The following USP45 variants were observed in gnomAD, a reference collection of about 807,000 sequenced individuals.
USP45 encodes ubiquitin specific peptidase 45, also known as ubiquitin carboxyl-terminal hydrolase 45.
In USP45, 89 loss-of-function variants were observed where a neutral mutation model predicts 95.8. The observed-to-expected ratio is 0.93, with a 90% CI of 0.78 to 1.11. The LOEUF is 1.11. Among genes scored for constraint, USP45 ranks in the 50% least tolerant of loss-of-function variants. The pLI, the probability that USP45 is intolerant of heterozygous loss-of-function variation, is 0.00. For synonymous variants in USP45, 281 were observed against 316.2 expected, an observed-to-expected ratio of 0.89 and a Z score of 1.18; for missense variants, 898 against 942.5, an observed-to-expected ratio of 0.95 and a Z score of 0.62.
intron 8 of USP45, among the ~76,000 whole-genome samples, chr6:99,477,695 T>TG (rs1267721832): frequency 4.6e-5 from 7 of 152,222 alleles, no homozygotes; most frequent in Non-Finnish European, 8.8e-5. Context: ...AGTCCCTGAC[T>TG]GCTAAAACAT....
chr6:99,468,248 G>A (rs573072757), intron 10 of USP45: 21 of 489,172 alleles, frequency 4.3e-5, no homozygotes, highest in African/African-American at 4.1e-4. Flanking sequence ...TTCCAAGTGT[G>A]GTTGCTACTT....
In USP45 at chr6:99,460,774, T is replaced by G. The variant is rs1289872212; in HGVS notation, c.1308+3830A>C. The G allele has an allele frequency of 3.0e-6, 3 of 984,494 alleles. No individual in the cohort carries two copies. In the East Asian group the frequency reaches 3.4e-4, roughly 112 times the overall value. The allele number at this position is 984,494 out of a possible 1,614,324, so 61.0% of individuals were successfully genotyped here. A position where few individuals can be genotyped will look rare whatever the true frequency, so the allele number is the denominator to read the frequency against. The stretch of plus-strand genomic sequence containing the variant: ...TATGATTTTCTGAATATAACCCCAA[T>G]GATGAGAGGCACAACACAGGTTTCA... On this transcript the variant is annotated intron_variant, in intron 13 of 17. Transcript: ENST00000500704.
rs908229002 is a variant in USP45, at chr6:99,449,202, C to G, written c.1309-2739G>C. ...CTTAAATGTACATGGGCTAAATGCT[C>G]CAATTAAAAGATACAGACTGAAAAA... On this transcript the variant is annotated intron_variant, in intron 13 of 17. Transcript: ENST00000500704. 1.4e-4 allele frequency among the ~76,000 whole-genome samples: 22 copies of G among 152,202 alleles called. No individual in the cohort carries two copies. In the East Asian group the frequency reaches 3.5e-3, roughly 24 times the overall value.
intron 8 of USP45, among the ~76,000 whole-genome samples, chr6:99,477,618 C>T (rs1791200713): frequency 6.6e-6 from 1 of 152,136 alleles, no homozygotes; most frequent in South Asian, 2.1e-4. Context: ...CGGCCAAGTG[C>T]AGTACTTTCA....
intron 7 of USP45, among the ~76,000 whole-genome samples, chr6:99,484,327 C>T (rs941285451): frequency 6.6e-6 from 1 of 150,888 alleles, no homozygotes; most frequent in African/African-American, 2.4e-5. Flanking sequence ...GCCAGCATAT[C>T]CAGTTGATTT....
At chr6:99,455,819 T>TAAAAAA (rs35285232) in intron 13 of USP45, among the ~76,000 whole-genome samples, 4 of 44,338 alleles carry the variant, frequency 9.0e-5, no homozygotes, top group Admixed American at 4.0e-4. Flanking sequence ...ATGTGAGAGC[T>TAAAAAA]AAAAAAAAAA....
At position 99,449,887 on chromosome 6, in the gene USP45, C is replaced by T. The variant is rs191666524; in HGVS notation, c.1309-3424G>A. On this transcript the variant is annotated intron_variant, in intron 13 of 17. Coordinates refer to ENST00000500704, the MANE Select transcript of USP45 (RefSeq NM_001346022.3). The stretch of plus-strand genomic sequence containing the variant: ...CAGGATTAAGAAACTCACTCAAAAC[C>T]GCTCAACTACATGGAAACTGAAAAA... Among the ~76,000 whole-genome samples, 557 of 152,266 alleles carry T rather than the reference C, an allele frequency of 3.7e-3. 1 individual carries two copies. The highest frequency in any genetic ancestry group is 0.01 in the Middle Eastern group (3 of 294).
chr6:99,478,212 T>G (rs1158209335), intron 8 of USP45, among the ~76,000 whole-genome samples: 1 of 135,934 alleles, frequency 7.4e-6, no homozygotes, highest in Non-Finnish European at 1.6e-5. Context: ...TTTAATAAAC[T>G]TAGATTTGTT....
At chr6:99,462,982 A>G (rs1015120990) in intron 13 of USP45, among the ~76,000 whole-genome samples, 1 of 151,518 alleles carries the variant, frequency 6.6e-6, no homozygotes, top group Non-Finnish European at 1.5e-5. Flanking sequence ...ACTCTGTCTC[A>G]ATAATTAATT....
intron 1 of USP45, among the ~76,000 whole-genome samples, chr6:99,511,828 T>G: frequency 7.4e-6 from 1 of 135,262 alleles, no homozygotes; most frequent in East Asian, 2.1e-4. Flanking sequence ...GAGACACATA[T>G]ATGTATGTGA....
At chr6:99,507,675 G>A (rs1798834998) in intron 3 of USP45, 144 bp from the exon 4 acceptor site, 1 of 591,698 alleles carries the variant, frequency 1.7e-6, no homozygotes, top group African/African-American at 1.9e-5. Flanking sequence ...AAGTAATATG[G>A]ATTCTCATTA....
At chr6:99,438,230 T>C (rs1780875093) in intron 16 of USP45, among the ~76,000 whole-genome samples, 2 of 152,148 alleles carry the variant, frequency 1.3e-5, no homozygotes, top group African/African-American at 2.4e-5. Context: ...AATGGTGCTA[T>C]GGAATAAGCT....
chr6:99,484,789 CAA>C (rs754506826), intron 7 of USP45, among the ~76,000 whole-genome samples: 49 of 88,768 alleles, frequency 5.5e-4, no homozygotes, highest in Admixed American at 4.8e-4. Context: ...AGACTGTCTC[CAA>C]AAAAAAAAAA....
At chr6:99,440,306 AAAAC>A (rs1484639934) in intron 15 of USP45, among the ~76,000 whole-genome samples, 8 of 152,226 alleles carry the variant, frequency 5.3e-5, no homozygotes, top group South Asian at 2.1e-4. Context: ...TTCATTCATT[AAAAC>A]AAACAACCTG....
At chr6:99,506,525 T>C (rs1040460880) in intron 4 of USP45, among the ~76,000 whole-genome samples, 21 of 152,110 alleles carry the variant, frequency 1.4e-4, no homozygotes, top group African/African-American at 5.1e-4. Context: ...GCCAGGCTGG[T>C]CTCAAACTGC....
chr6:99,508,626 A>T lies in USP45; in HGVS notation c.257T>A (p.Leu86His). ...TTTTCTTACCTGGAAGCCACACTTGAGGCACAACCAAATATCAGAAGTAAG... is the reference window on the plus strand; with the variant it reads ...TTTTCTTACCTGGAAGCCACACTTGTGGCACAACCAAATATCAGAAGTAAG... ...LVLTSDIWLCLKCGFQGCGKN... is the reference protein window; with the variant it reads ...LVLTSDIWLCHKCGFQGCGKN... Residue 86 changes from leucine (L) to histidine (H), a missense_variant, in exon 3 of 18, where the codon CTC (leucine) becomes CAC (histidine). Physicochemically the swap from Leu to His is moderately conservative, Grantham distance 99 (BLOSUM62 -3). Transcript: ENST00000500704. 6.2e-7 allele frequency: 1 copy of T among 1,612,182 alleles called. No homozygotes were observed. Among genetic ancestry groups the T allele is most frequent in the Non-Finnish European group, 8.5e-7 (1 of 1,179,596 alleles).
At chr6:99,470,299 A>T (rs907974462) in intron 9 of USP45, among the ~76,000 whole-genome samples, 1 of 152,038 alleles carries the variant, frequency 6.6e-6, no homozygotes, top group African/African-American at 2.4e-5. Context: ...AGCAGAAGAC[A>T]CTCATGACCC....
intron 11 of USP45, among the ~76,000 whole-genome samples, chr6:99,465,406 T>C (rs1297031040): frequency 1.3e-5 from 2 of 152,260 alleles, no homozygotes; most frequent in African/African-American, 4.8e-5. Context: ...AAAAAAACTG[T>C]TTAATAAAAC....
chr6:99,444,004 A>G (rs1323613278), intron 14 of USP45, among the ~76,000 whole-genome samples: 1 of 151,644 alleles, frequency 6.6e-6, no homozygotes, highest in African/African-American at 2.4e-5. Context: ...GGGTTTAAAA[A>G]GATTTCTAGA....
Sources: gnomAD v4.1 joint callset for allele counts (sites outside exome capture counted in the v4.1 genomes callset) on GRCh38, gnomAD v4.1.1 for gene constraint, MANE v1.5 for transcripts, NCBI Gene and HGNC (gene_info 2026-07-23, HGNC 2026-07-21) for gene names.